The following GALNT6 variants were observed in gnomAD, a reference collection of about 807,000 sequenced individuals.
GALNT6 encodes GalNAc transferase 6.
In GALNT6, 51 loss-of-function variants were observed where a neutral mutation model predicts 65.9. That is an observed-to-expected ratio of 0.77 (90% CI 0.62 to 0.98). GALNT6 has a LOEUF of 0.98. GALNT6 is among the 50% of genes least tolerant of loss of function. The pLI is 0.00. For synonymous variants in GALNT6, 323 were observed against 315.1 expected, an observed-to-expected ratio of 1.02 and a Z score of -0.26; for missense variants, 708 against 803.3, an observed-to-expected ratio of 0.88 and a Z score of 1.43.
chr12:51,385,055 C>T (rs1947787943), intron 2 of GALNT6, among the ~76,000 whole-genome samples: 1 of 152,026 alleles, frequency 6.6e-6, no homozygotes, highest in African/African-American at 2.4e-5. Flanking sequence ...GTGGTGCAAT[C>T]TCAGCTCACT....
chr12:51,374,488 C>T (rs59088638), intron 4 of GALNT6, among the ~76,000 whole-genome samples: 20,524 of 152,164 alleles, frequency 0.13, 1,580 homozygotes, highest in African/African-American at 0.21. Context: ...CTTCCTTCCA[C>T]AGCCCTAGTC....
rs1946689512 is a variant in GALNT6 at position 51,354,503 on chromosome 12, A to G, written c.1756-11T>C. 5 of 1,558,374 alleles carry G rather than the reference A, an allele frequency of 3.2e-6. No homozygotes were observed. The highest frequency in any genetic ancestry group is 3.5e-6 in the Non-Finnish European group (4 of 1,138,106). On this transcript the variant is annotated splice_polypyrimidine_tract_variant and intron_variant, in intron 11 of 11. Transcript: ENST00000356317. ...CCTGATGAGCTGATCCTAAAAGATG[A>G]CAAAGCAAAAGGTCAGTCTGGGCCA...
chr12:51,365,350 T>A lies in GALNT6; in HGVS notation c.814+80A>T. ...CCGGAAGAGAGAACAGGAAGGGGCC[T>A]TGGGGAGGCTGTGGCCCTGGCTCAT... On this transcript the variant is annotated intron_variant, in intron 5 of 11. Transcript: ENST00000356317. The A allele has an allele frequency of 2.2e-6, 3 of 1,368,426 alleles. No individual in the cohort carries two copies. The South Asian group carries it at 4.1e-5, about 19-fold the overall frequency. 84.8% of individuals were successfully genotyped at this position (1,368,426 alleles called of 1,614,324 possible).
At chr12:51,374,387 C>G (rs565679440) in intron 4 of GALNT6, among the ~76,000 whole-genome samples, 17 of 152,022 alleles carry the variant, frequency 1.1e-4, no homozygotes, top group Admixed American at 7.9e-4. Flanking sequence ...GCTGGTCTGG[C>G]CTTGCTTTAT....
At position 51,379,623 on chromosome 12, in the gene GALNT6, G is replaced by A. The variant is rs1416307401; in HGVS notation, c.159C>T (p.Val53=). ...LKSLVSRKDH[V]LDLMLEAMNN... ...TCATGGCCTCCAGCATGAGGTCCAG[G>A]ACGTGATCCTTCCGGCTCACCAGGG... The change falls in exon 3 of 12, where the codon GTC becomes GTT. Residue 53 remains valine, a synonymous_variant. Coordinates refer to ENST00000356317, the MANE Select transcript of GALNT6 (RefSeq NM_007210.4). 17 of 1,613,928 alleles carry A rather than the reference G, an allele frequency of 1.1e-5. No individual in the cohort carries two copies. The highest frequency in any genetic ancestry group is 1.4e-5 in the Non-Finnish European group (17 of 1,179,892).
chr12:51,357,436 G>GCCTCTCCTC lies in GALNT6; in HGVS notation c.1514_1515insGAGGAGAGG (p.Gly505_Thr506insArgArgGly). 1 of 1,613,342 alleles carries GCCTCTCCTC rather than the reference G, an allele frequency of 6.2e-7. No homozygotes were observed. Among genetic ancestry groups the GCCTCTCCTC allele is most frequent in the Non-Finnish European group, 8.5e-7 (1 of 1,179,254 alleles). ...CACCCACATCCAGGCATTGGTTGGT[G>GCCTCTCCTC]CCGAGGTTCTTGATCTGCAGAAGGG... On this transcript the variant is annotated inframe_insertion, in exon 10 of 12. Coordinates refer to ENST00000356317, the MANE Select transcript of GALNT6 (RefSeq NM_007210.4).
At chr12:51,360,986 A>C (rs559975129) in intron 6 of GALNT6, 148 bp from the exon 7 acceptor site, 2 of 597,988 alleles carry the variant, frequency 3.3e-6, no homozygotes, top group East Asian at 5.6e-5. Flanking sequence ...CCACTAACTC[A>C]CTCATCATTT....
intron 2 of GALNT6, among the ~76,000 whole-genome samples, chr12:51,384,081 C>T (rs1947754134): frequency 6.6e-6 from 1 of 152,158 alleles, no homozygotes; most frequent in African/African-American, 2.4e-5. Flanking sequence ...CCACTCATTT[C>T]CCTCTCGCTG....
At chr12:51,358,301 G>C in intron 8 of GALNT6, 40 bp from the exon 9 acceptor site, 1 of 1,447,350 alleles carries the variant, frequency 6.9e-7, no homozygotes, top group Admixed American at 2.1e-5. Context: ...AGTTCCACCA[G>C]TTTTTTTTTT....
Position 51,354,177 on chromosome 12 carries a change from T to C in GALNT6, c.*202A>G, listed in dbSNP as rs890813580. On this transcript the variant is annotated 3_prime_UTR_variant, in exon 12 of 12. Transcript: ENST00000356317. ...AAAACGCTAGGCTAAATATATGTCC[T>C]AATGGTCTCTTCCATCGGTGTGAAG... 4.5e-5 allele frequency: 23 copies of C among 512,020 alleles called. No individual in the cohort carries two copies. Among genetic ancestry groups the C allele is most frequent in the Non-Finnish European group, 2.4e-5 (7 of 295,612 alleles). The allele number at this position is 512,020 out of a possible 1,614,324, so 31.7% of individuals were successfully genotyped here.
At chr12:51,380,574 T>C (rs1026393674) in intron 2 of GALNT6, among the ~76,000 whole-genome samples, 4 of 152,316 alleles carry the variant, frequency 2.6e-5, no homozygotes, top group Admixed American at 6.5e-5. Flanking sequence ...GATAAAGCTA[T>C]AAAGAAAGCT....
chr12:51,381,475 G>A (rs1174512272), intron 2 of GALNT6, among the ~76,000 whole-genome samples: 2 of 152,162 alleles, frequency 1.3e-5, no homozygotes, highest in Non-Finnish European at 2.9e-5. Context: ...AATGGCAAGG[G>A]ACCTGGGCAC....
rs144118590 is a variant in GALNT6, at chr12:51,376,999, C to T, written c.664+196G>A. Among the ~76,000 whole-genome samples, 509 of 152,314 alleles carry T rather than the reference C, an allele frequency of 3.3e-3. 3 individuals carry two copies. The highest frequency in any genetic ancestry group is 0.012 in the African/African-American group (488 of 41,554). On this transcript the variant is annotated intron_variant, in intron 4 of 11. Transcript: ENST00000356317. ...CCAGAGCTGAAAAGCTCTTGGAGCT[C>T]TTTGGCTGAGGTGTGAAGGAAGCAT...
At position 51,364,160 on chromosome 12, in the gene GALNT6, T is replaced by C. The variant is rs771498287; in HGVS notation, c.1010A>G (p.His337Arg). Residue 337 changes from histidine (H) to arginine (R), a missense_variant, in exon 6 of 12, where the codon CAT becomes CGT. By Grantham distance (29) the His-to-Arg change is conservative (BLOSUM62 0). Coordinates refer to ENST00000356317, the MANE Select transcript of GALNT6 (RefSeq NM_007210.4). ...LTFGWETLPP[H>R]EKQRRKDETY... The stretch of plus-strand genomic sequence containing the variant: ...TTCATCCTTGCGCCTCTGCTTCTCA[T>C]GTGGAGGAAGTGTTTCCCAGCCGAA... 4 of 1,614,138 alleles carry C rather than the reference T, an allele frequency of 2.5e-6. No individual in the cohort carries two copies. The South Asian group carries it at 3.3e-5, about 13-fold the overall frequency.
chr12:51,356,563 T>C lies in GALNT6; in HGVS notation c.1603-605A>G, dbSNP rs547695174. Among the ~76,000 whole-genome samples the C allele has an allele frequency of 3.3e-5, 5 of 151,754 alleles. No individual in the cohort carries two copies. The East Asian group carries it at 9.7e-4, about 29-fold the overall frequency. ...TTTTTATAGAGATGGGGTGTCTTGC[T>C]ATGTTGCCCAGACAGGTCTCAAACT... On this transcript the variant is annotated intron_variant, in intron 10 of 11. Transcript: ENST00000356317.
chr12:51,381,064 G>A (rs563854411), intron 2 of GALNT6, among the ~76,000 whole-genome samples: 92 of 152,024 alleles, frequency 6.1e-4, no homozygotes, highest in Non-Finnish European at 1.2e-3. Flanking sequence ...CGTATTGAGA[G>A]CCCATCTCAA....
chr12:51,366,828 T>A (rs574356346), intron 4 of GALNT6, among the ~76,000 whole-genome samples: 9 of 152,158 alleles, frequency 5.9e-5, no homozygotes, highest in Non-Finnish European at 1.2e-4. Flanking sequence ...CTCAGAGCAT[T>A]AACAATAGCT....
In GALNT6 at chr12:51,366,677, G is replaced by A. The variant is rs978557688; in HGVS notation, c.665-1098C>T. 7.9e-5 allele frequency among the ~76,000 whole-genome samples: 12 copies of A among 152,174 alleles called. 1 individual carries two copies. The highest frequency in any genetic ancestry group is 7.2e-4 in the Admixed American group (11 of 15,270). On this transcript the variant is annotated intron_variant, in intron 4 of 11. Coordinates refer to ENST00000356317, the MANE Select transcript of GALNT6 (RefSeq NM_007210.4). ...ATGATCTAACAGAGGTAGTGCTGGG[G>A]TGTGGGTCCCAAAGAAGGGCCAAAT...
At chr12:51,389,263 A>C (rs1400925174) in intron 2 of GALNT6, among the ~76,000 whole-genome samples, 1 of 152,248 alleles carries the variant, frequency 6.6e-6, no homozygotes, top group Non-Finnish European at 1.5e-5. Flanking sequence ...AGATGTCGGA[A>C]CACATCCGTG....
Sources: gnomAD v4.1 joint callset for allele counts (sites outside exome capture counted in the v4.1 genomes callset) on GRCh38, gnomAD v4.1.1 for gene constraint, MANE v1.5 for transcripts, NCBI Gene and HGNC (gene_info 2026-07-23, HGNC 2026-07-21) for gene names.